The following SCML2 variants were observed in gnomAD, a reference collection of about 807,000 sequenced individuals.
SCML2 encodes the protein Scm polycomb group protein like 2, also known as sex comb on midleg-like protein 2.
SCML2 carries 6 observed loss-of-function variants against 48.4 expected under a neutral mutation model. The observed-to-expected ratio is 0.12, with a 90% CI of 0.07 to 0.24. SCML2 has a LOEUF of 0.24. Ranked by LOEUF, SCML2 falls within the 10% of genes least tolerant of loss-of-function variation. The pLI, the probability that SCML2 is intolerant of heterozygous loss-of-function variation, is 1.00. For missense variants in SCML2, 377 were observed against 528.2 expected (o/e 0.71, Z 2.81); for synonymous variants, 181 against 189.5 (o/e 0.95, Z 0.37).
chrX:18,353,218 AAAAG>A (rs770833385), intron 1 of SCML2, among the ~76,000 whole-genome samples: 3 of 111,954 alleles, frequency 2.7e-5, no homozygotes, highest in Admixed American at 9.5e-5. Context: ...TAAGAAAAAT[AAAAG>A]AAAGGCAAAA....
chrX:18,323,650 T>C (rs1283713328), intron 5 of SCML2, among the ~76,000 whole-genome samples: 2 of 111,516 alleles, frequency 1.8e-5, no homozygotes, highest in Non-Finnish European at 1.9e-5. Context: ...GGAGAAAACT[T>C]CTACACACAT....
At chrX:18,266,060 G>A (rs992771188) in intron 7 of SCML2, among the ~76,000 whole-genome samples, 17 of 111,327 alleles carry the variant, frequency 1.5e-4, no homozygotes, top group African/African-American at 5.2e-4. Flanking sequence ...ACTTAGCATG[G>A]TAAAAATTCC....
intron 1 of SCML2, among the ~76,000 whole-genome samples, chrX:18,337,710 A>G (rs929029827): frequency 8.9e-6 from 1 of 112,065 alleles, no homozygotes; most frequent in Middle Eastern, 4.6e-3. Context: ...GGACAGATCT[A>G]GCAGGCAGAA....
At chrX:18,315,612 A>G (rs1230591914) in intron 6 of SCML2, among the ~76,000 whole-genome samples, 1 of 111,292 alleles carries the variant, frequency 9.0e-6, no homozygotes, top group Non-Finnish European at 1.9e-5. Flanking sequence ...TCATGTACAC[A>G]CGCCTATGAT....
intron 7 of SCML2, among the ~76,000 whole-genome samples, chrX:18,293,377 G>A (rs1029677595): frequency 9.0e-6 from 1 of 111,142 alleles, no homozygotes; most frequent in Non-Finnish European, 1.9e-5. Flanking sequence ...ATCTTTGGGT[G>A]AACGCCAACT....
intron 11 of SCML2, among the ~76,000 whole-genome samples, chrX:18,255,828 C>T (rs1176612220): frequency 8.9e-6 from 1 of 112,501 alleles, no homozygotes; most frequent in East Asian, 2.8e-4. Flanking sequence ...TGATGGTACT[C>T]TGTATTTCCA....
In SCML2 at chrX:18,241,042, G is replaced by A. The variant is rs1358367135; in HGVS notation, c.*209C>T. 1.2e-5 allele frequency: 3 copies of A among 250,626 alleles called. No individual in the cohort carries two copies. Among genetic ancestry groups the A allele is most frequent in the Admixed American group, 1.2e-4 (2 of 16,227 alleles). 20.7% of individuals were successfully genotyped at this position (250,626 alleles called of 1,213,427 possible). A position where few individuals can be genotyped will look rare whatever the true frequency, so the allele number is the denominator to read the frequency against. ...TAAATGCTTTTTAAAGAAGTAGACTGGGGGAGTGGCGGCTGTGTCTCCCAA... is the reference window on the plus strand; with the variant it reads ...TAAATGCTTTTTAAAGAAGTAGACTAGGGGAGTGGCGGCTGTGTCTCCCAA... On this transcript the variant is annotated 3_prime_UTR_variant, in exon 15 of 15. Coordinates refer to ENST00000251900, the MANE Select transcript of SCML2 (RefSeq NM_006089.3).
intron 11 of SCML2, among the ~76,000 whole-genome samples, chrX:18,248,224 G>A (rs1602073087): frequency 1.8e-5 from 2 of 111,716 alleles, no homozygotes; most frequent in African/African-American, 6.5e-5. Context: ...CCATGAGCCA[G>A]AGGAGTTAAA....
chrX:18,282,048 A>T (rs1927877787), intron 7 of SCML2, among the ~76,000 whole-genome samples: 1 of 109,185 alleles, frequency 9.2e-6, no homozygotes, highest in Non-Finnish European at 1.9e-5. Context: ...ACTTGAACCC[A>T]GGAGGCAGAG....
In SCML2 at chrX:18,241,890, T is replaced by A. The variant is rs1055600823; in HGVS notation, c.1975-511A>T. On this transcript the variant is annotated intron_variant, in intron 14 of 14. Transcript: ENST00000251900. ...TGAAAAGGGTACCTCAGATAATAGA[T>A]CACTCATTTGATTTGTTAGAAAACA... Among the ~76,000 whole-genome samples the A allele has an allele frequency of 9.8e-5, 11 of 112,197 alleles. No individual in the cohort carries two copies. The South Asian group carries it at 1.5e-3, about 15-fold the overall frequency.
chrX:18,299,070 T>G (rs893967314), intron 7 of SCML2, among the ~76,000 whole-genome samples: 1 of 111,327 alleles, frequency 9.0e-6, no homozygotes, highest in Non-Finnish European at 1.9e-5. Flanking sequence ...ACTAAAAAGC[T>G]TATGCACTGC....
chrX:18,354,828 C>G (rs998681454), upstream of SCML2: 7 of 133,219 alleles, frequency 5.3e-5, no homozygotes, highest in African/African-American at 1.9e-4. Flanking sequence ...AGCCGAGCGC[C>G]ACCGCAGGCA....
At chrX:18,281,921 C>G (rs1412327964) in intron 7 of SCML2, among the ~76,000 whole-genome samples, 1 of 110,010 alleles carries the variant, frequency 9.1e-6, no homozygotes, top group African/African-American at 3.3e-5. Flanking sequence ...GTCAGGAGTT[C>G]AAGACCAGCC....
chrX:18,276,427 T>C (rs1465152755), intron 7 of SCML2, among the ~76,000 whole-genome samples: 6 of 111,734 alleles, frequency 5.4e-5, no homozygotes, highest in African/African-American at 1.3e-4. Context: ...GTGAGTGGAA[T>C]TGGTAGCTCA....
chrX:18,335,043 C>T (rs59345532), intron 1 of SCML2, among the ~76,000 whole-genome samples: 2 of 110,984 alleles, frequency 1.8e-5, no homozygotes, highest in Non-Finnish European at 3.8e-5. Context: ...ATCAGAGACA[C>T]TGATCAATTA....
chrX:18,255,231 T>C (rs1429789879), intron 11 of SCML2, among the ~76,000 whole-genome samples: 1 of 112,435 alleles, frequency 8.9e-6, no homozygotes. Context: ...AGGCTAAGAA[T>C]TTACATATAC....
At chrX:18,290,722 A>C (rs1928205659) in intron 7 of SCML2, among the ~76,000 whole-genome samples, 1 of 111,703 alleles carries the variant, frequency 9.0e-6, no homozygotes, top group South Asian at 3.7e-4. Context: ...TTAATAAATA[A>C]AATTATAGAG....
intron 7 of SCML2, among the ~76,000 whole-genome samples, chrX:18,282,543 C>T (rs904585392): frequency 2.7e-5 from 3 of 110,857 alleles, no homozygotes; most frequent in East Asian, 2.8e-4. Flanking sequence ...GGGGCTGAGG[C>T]GAGAGGATCA....
At chrX:18,326,222 A>G (rs904032099) in intron 3 of SCML2, among the ~76,000 whole-genome samples, 2 of 112,364 alleles carry the variant, frequency 1.8e-5, no homozygotes, top group Non-Finnish European at 3.8e-5. Context: ...TACATATTAT[A>G]TGTGGTATTA....
Sources: allele counts gnomAD v4.1 joint callset (sites outside exome capture counted in the v4.1 genomes callset), GRCh38; gene constraint gnomAD v4.1.1; transcripts MANE v1.5; gene names NCBI Gene and HGNC (gene_info 2026-07-23, HGNC 2026-07-21).